Variants in RBFOX1 observed in about 807,000 individuals in gnomAD.
The protein encoded by RBFOX1 is RNA binding protein fox-1 homolog 1.
In RBFOX1, 8 loss-of-function variants were observed where a neutral mutation model predicts 57.7. The ratio of observed to expected loss-of-function variants is 0.14; its 90% CI spans 0.08 to 0.25. The LOEUF is 0.25. RBFOX1 is among the 10% of genes least tolerant of loss of function. RBFOX1 has a pLI of 1.00. For synonymous variants in RBFOX1, 326 were observed against 222.4 expected (o/e 1.47, Z -4.15); for missense variants, 611 against 548.5 (o/e 1.11, Z -1.14).
chr16:6,894,524 C>T (rs1362906885), intron 3 of RBFOX1, among the ~76,000 whole-genome samples: 3 of 152,272 alleles, frequency 2.0e-5, no homozygotes, highest in East Asian at 3.9e-4. Context: ...CTCTCCATCC[C>T]AACTAGAGGT....
rs186524786 is a variant in RBFOX1, at chr16:6,627,155, C to T, written c.-63-27448C>T. On this transcript the variant is annotated intron_variant, in intron 2 of 15. Transcript: ENST00000550418. The stretch of plus-strand genomic sequence containing the variant: ...GAAATTAGCATTCTGTCATCCAACC[C>T]GCATTACTCCTACAACCATATCTAG... 3.2e-4 allele frequency among the ~76,000 whole-genome samples: 49 copies of T among 152,234 alleles called. No homozygotes were observed. The East Asian group carries it at 7.4e-3, about 23-fold the overall frequency.
chr16:6,113,415 C>T lies in RBFOX1; in HGVS notation c.-127+93423C>T, dbSNP rs572293624. ...AATACTACTTCAGGGAAGTAAAGAG[C>T]CAGAAGAACCACAGCGACATAAAAG... On this transcript the variant is annotated intron_variant, in intron 1 of 15. Transcript: ENST00000550418. 1.1e-4 allele frequency among the ~76,000 whole-genome samples: 16 copies of T among 152,158 alleles called. No homozygotes were observed. The South Asian group carries it at 3.3e-3, about 32-fold the overall frequency.
intron 3 of RBFOX1, among the ~76,000 whole-genome samples, chr16:6,948,375 CTTTTTTTTTTTTTTTTTTT>C: frequency 1.5e-5 from 1 of 67,964 alleles, no homozygotes; most frequent in Middle Eastern, 0.011. Context: ...TTCTCCCTTT[CTTTTTTTTTTTTTTTTTTT>C]TTTTTTTTTT....
At chr16:7,012,241 A>G (rs2093687010) in intron 3 of RBFOX1, among the ~76,000 whole-genome samples, 1 of 152,202 alleles carries the variant, frequency 6.6e-6, no homozygotes, top group Non-Finnish European at 1.5e-5. Flanking sequence ...AACATCAGCA[A>G]GATGAAAGAA....
intron 1 of RBFOX1, among the ~76,000 whole-genome samples, chr16:6,245,664 C>G (rs1158028121): frequency 6.6e-6 from 1 of 152,152 alleles, no homozygotes; most frequent in Non-Finnish European, 1.5e-5. Flanking sequence ...TGATGATTCT[C>G]TTAACAACTC....
intron 2 of RBFOX1, among the ~76,000 whole-genome samples, chr16:6,408,261 T>A (rs2093351959): frequency 6.6e-6 from 1 of 152,154 alleles, no homozygotes; most frequent in Admixed American, 6.5e-5. Flanking sequence ...TTCTATAAAG[T>A]GCTGTTGTTT....
At chr16:7,000,846 C>T (rs904925205) in intron 3 of RBFOX1, among the ~76,000 whole-genome samples, 2 of 152,070 alleles carry the variant, frequency 1.3e-5, no homozygotes, top group African/African-American at 4.8e-5. Flanking sequence ...TTGTGATCCG[C>T]CCGCCTCGGC....
intron 7 of RBFOX1, among the ~76,000 whole-genome samples, chr16:7,593,755 C>T (rs775788074): frequency 3.9e-5 from 6 of 151,958 alleles, no homozygotes; most frequent in African/African-American, 7.3e-5. Context: ...TCACATTCCA[C>T]GGGGTGACTG....
In RBFOX1 at chr16:7,105,980, C is replaced by G. The variant is rs151312235; in HGVS notation, c.27+53882C>G. On this transcript the variant is annotated intron_variant, in intron 4 of 15. Transcript: ENST00000550418. Reference sequence around the variant, plus strand: ...GTCTTTGTCTGTGCTAATGACAACTCTATGAAACTACTCAGTCCAGGAGGA... The same window carrying G: ...GTCTTTGTCTGTGCTAATGACAACTGTATGAAACTACTCAGTCCAGGAGGA... Among the ~76,000 whole-genome samples, 272 of 152,272 alleles carry G rather than the reference C, an allele frequency of 1.8e-3. 3 individuals are homozygous for G. Among genetic ancestry groups the G allele is most frequent in the Non-Finnish European group, 2.9e-3 (194 of 68,018 alleles).
chr16:7,388,421 G>C (rs1286055484), intron 4 of RBFOX1, among the ~76,000 whole-genome samples: 1 of 152,138 alleles, frequency 6.6e-6, no homozygotes, highest in Non-Finnish European at 1.5e-5. Context: ...AGAGTGAAGT[G>C]TGCAATATAT....
At chr16:5,396,081 A>G (rs1216103455) in intron 1 of RBFOX1, among the ~76,000 whole-genome samples, 1 of 152,198 alleles carries the variant, frequency 6.6e-6, no homozygotes, top group East Asian at 1.9e-4. Flanking sequence ...AAACTGTGAG[A>G]TAACAAATGT....
chr16:7,315,977 C>T (rs1416002097), intron 4 of RBFOX1, among the ~76,000 whole-genome samples: 3 of 152,162 alleles, frequency 2.0e-5, no homozygotes, highest in Admixed American at 6.5e-5. Context: ...TTTGTAAAGA[C>T]CCATTATGCA....
In RBFOX1 at chr16:6,692,810, C is replaced by G. The variant is rs144877767; in HGVS notation, c.-16+38160C>G. Among the ~76,000 whole-genome samples, 372 of 152,198 alleles carry G rather than the reference C, an allele frequency of 2.4e-3. 3 individuals carry two copies. Among genetic ancestry groups the G allele is most frequent in the African/African-American group, 8.6e-3 (358 of 41,522 alleles). On this transcript the variant is annotated intron_variant, in intron 3 of 15. Coordinates refer to ENST00000550418, the MANE Select transcript of RBFOX1 (RefSeq NM_018723.4). ...ATCATTGTCACTATCAGTACTATCACTACCATCATCATCAACATTATCTTC... is the reference window on the plus strand; with the variant it reads ...ATCATTGTCACTATCAGTACTATCAGTACCATCATCATCAACATTATCTTC...
At chr16:5,980,916 C>G (rs539249474) in intron 4 of RBFOX1, among the ~76,000 whole-genome samples, 5 of 152,110 alleles carry the variant, frequency 3.3e-5, no homozygotes, top group African/African-American at 1.2e-4. Context: ...TAACTACCTT[C>G]TATGTGCCAC....
intron 4 of RBFOX1, among the ~76,000 whole-genome samples, chr16:7,336,233 A>G (rs189581208): frequency 2.2e-3 from 339 of 152,286 alleles, no homozygotes; most frequent in African/African-American, 8.0e-3. Flanking sequence ...TGACATAACC[A>G]AAACAACAGC....
intron 4 of RBFOX1, among the ~76,000 whole-genome samples, chr16:7,140,049 A>C (rs1254825389): frequency 3.3e-5 from 5 of 151,900 alleles, no homozygotes; most frequent in African/African-American, 9.7e-5. Flanking sequence ...GGGGATTAGG[A>C]ATATTAGCCA....
At chr16:6,230,751 C>T (rs976198837) in intron 1 of RBFOX1, among the ~76,000 whole-genome samples, 1 of 152,184 alleles carries the variant, frequency 6.6e-6, no homozygotes, top group Admixed American at 6.5e-5. Context: ...CACACCTGGG[C>T]TGTGACCTTC....
intron 3 of RBFOX1, among the ~76,000 whole-genome samples, chr16:6,921,182 C>T (rs906118411): frequency 2.0e-5 from 3 of 152,172 alleles, no homozygotes; most frequent in Non-Finnish European, 2.9e-5. Context: ...TAACTAAATG[C>T]ATGAGTTTTC....
intron 1 of RBFOX1, among the ~76,000 whole-genome samples, chr16:6,065,105 G>A (rs967494492): frequency 4.0e-5 from 6 of 150,570 alleles, no homozygotes; most frequent in African/African-American, 1.5e-4. Flanking sequence ...CTGGCTTACT[G>A]CAGCCTTGAC....
Sources: gnomAD v4.1 joint callset for allele counts (sites outside exome capture counted in the v4.1 genomes callset) on GRCh38, gnomAD v4.1.1 for gene constraint, MANE v1.5 for transcripts, NCBI Gene and HGNC (gene_info 2026-07-23, HGNC 2026-07-21) for gene names.